Variants in NUP210L observed in about 807,000 individuals in gnomAD.
NUP210L encodes nucleoporin 210 like, also known as nuclear pore membrane glycoprotein 210-like.
In NUP210L, 74 loss-of-function variants were observed where a neutral mutation model predicts 208.5. The observed-to-expected ratio is 0.35, with a 90% confidence interval of 0.29 to 0.43. The LOEUF (loss-of-function observed/expected upper bound fraction) is 0.43. Among genes scored for constraint, NUP210L ranks in the 20% least tolerant of loss-of-function variants. The probability of loss-of-function intolerance (pLI) is 1.00; values close to 1 mark genes in which losing one functional copy is unlikely to be tolerated. For synonymous variants in NUP210L, 780 were observed against 816.9 expected (o/e 0.95, Z 0.77); for missense variants, 1,843 against 2,289.4 (o/e 0.81, Z 3.98).
chr1:154,025,444 T>C (rs1178132058), intron 30 of NUP210L, 98 bp downstream of exon 30: 2 of 761,468 alleles, frequency 2.6e-6, no homozygotes, highest in Non-Finnish European at 3.8e-6. Context: ...AATGGCATGA[T>C]AAGAAAATTT....
exon 8 of NUP210L, chr1:154,129,345 T>A: frequency 6.2e-7 from 1 of 1,605,190 alleles, no homozygotes; most frequent in Non-Finnish European, 8.5e-7. Context: ...CATATGAACA[T>A]CTTAATTTTT....
At chr1:154,026,849 G>A (rs1350647515) in intron 29 of NUP210L, among the ~76,000 whole-genome samples, 2 of 151,934 alleles carry the variant, frequency 1.3e-5, no homozygotes, top group Admixed American at 6.6e-5. Context: ...TTGGGAGGCC[G>A]AGCCGGGAGG....
chr1:153,992,947 G>C lies in NUP210L; in HGVS notation c.5567-12C>G. ...GGAGTTAAAAAAACCTAGAAGAAGA[G>C]GGAAAAGTTGAGTGAATTAAACGTG... is the stretch of plus-strand genomic sequence containing the variant. On this transcript the variant is annotated splice_polypyrimidine_tract_variant and intron_variant, in intron 39 of 39. Coordinates refer to ENST00000368559, the Ensembl canonical transcript of NUP210L. 1.2e-6 allele frequency: 2 copies of C among 1,609,266 alleles called. No homozygotes were observed. The highest frequency in any genetic ancestry group is 4.5e-5 in the East Asian group (2 of 44,840).
At chr1:154,095,000 G>A (rs1209801654) in exon 15 of NUP210L, 5 of 1,614,114 alleles carry the variant, frequency 3.1e-6, no homozygotes, top group Non-Finnish European at 4.2e-6. Context: ...TTAGATGGCA[G>A]CCACACTTGT....
At chr1:154,054,920 A>G in intron 23 of NUP210L, 88 bp from the exon 24 acceptor site, 1 of 777,688 alleles carries the variant, frequency 1.3e-6, no homozygotes, top group African/African-American at 1.8e-5. Flanking sequence ...TTTTTTTTTT[A>G]GACAGAGTCT....
At chr1:154,071,975 CGTGT>C (rs57566189) in intron 16 of NUP210L, among the ~76,000 whole-genome samples, 75 of 148,346 alleles carry the variant, frequency 5.1e-4, no homozygotes, top group South Asian at 2.8e-3. Context: ...TATTCCATCG[CGTGT>C]GTGTGTGTGT....
chr1:154,000,880 C>T (rs754089610), exon 37 of NUP210L: 5 of 1,613,880 alleles, frequency 3.1e-6, no homozygotes, highest in Non-Finnish European at 4.2e-6. Flanking sequence ...TCTTTCATAG[C>T]CCTCACTACC....
chr1:153,993,304 C>T (rs1237791130), intron 38 of NUP210L, among the ~76,000 whole-genome samples: 19 of 152,142 alleles, frequency 1.2e-4, no homozygotes, highest in Admixed American at 5.2e-4. Flanking sequence ...CGGTGGCTCA[C>T]GCCTGTAATC....
At chr1:154,058,732 C>T in intron 20 of NUP210L, 39 bp from the exon 21 acceptor site, 1 of 1,604,224 alleles carries the variant, frequency 6.2e-7, no homozygotes, top group Non-Finnish European at 8.5e-7. Flanking sequence ...AAGAAGCAAA[C>T]ATGCTCCAAG....
At chr1:154,007,363 A>G (rs528686080) in intron 35 of NUP210L, among the ~76,000 whole-genome samples, 1 of 150,156 alleles carries the variant, frequency 6.7e-6, no homozygotes, top group African/African-American at 2.5e-5. Context: ...CCTGGGTTCA[A>G]GTGATTCTCC....
At chr1:154,062,966 T>A (rs1384987066) in intron 17 of NUP210L, among the ~76,000 whole-genome samples, 1 of 152,212 alleles carries the variant, frequency 6.6e-6, no homozygotes, top group East Asian at 1.9e-4. Flanking sequence ...TAATCATGCC[T>A]AAATCTGTGA....
chr1:154,134,489 G>A (rs1658420787), intron 7 of NUP210L, among the ~76,000 whole-genome samples: 1 of 145,004 alleles, frequency 6.9e-6, no homozygotes, highest in Non-Finnish European at 1.5e-5. Flanking sequence ...TGTAATCCCA[G>A]CACTTTGGGA....
chr1:154,149,085 C>CTTTTTTTTT (rs1272589191), intron 2 of NUP210L, among the ~76,000 whole-genome samples: 3 of 84,216 alleles, frequency 3.6e-5, no homozygotes, highest in African/African-American at 1.4e-4. Flanking sequence ...CAGAAAACTT[C>CTTTTTTTTT]TCTTTTTTTT....
intron 25 of NUP210L, among the ~76,000 whole-genome samples, chr1:154,048,498 A>G (rs1399103600): frequency 6.6e-6 from 1 of 152,234 alleles, no homozygotes; most frequent in African/African-American, 2.4e-5. Context: ...AAAGGAAAAC[A>G]TTGGACTAAT....
At chr1:154,060,681 G>T in intron 19 of NUP210L, 40 bp from the exon 20 acceptor site, 1 of 1,346,426 alleles carries the variant, frequency 7.4e-7, no homozygotes, top group Non-Finnish European at 1.1e-6. Context: ...GTTTGCTTCA[G>T]TTTATAAATA....
At chr1:153,995,995 CTT>C (rs1397184990) in intron 37 of NUP210L, 2 of 383,994 alleles carry the variant, frequency 5.2e-6, no homozygotes, top group Non-Finnish European at 1.0e-5. Flanking sequence ...AATGAGGAGA[CTT>C]AAAAAAAAAA....
In NUP210L at chr1:154,126,608, A is replaced by G. The variant is rs1310743671; in HGVS notation, c.1186-145T>C. The stretch of plus-strand genomic sequence containing the variant: ...AAAACTTTTGCTCTCCCTCATAGAA[A>G]TTAAAAGTTGGGGAGATATAATTTT... On this transcript the variant is annotated intron_variant, in intron 9 of 39. Coordinates refer to ENST00000368559, the Ensembl canonical transcript of NUP210L. 1.2e-5 allele frequency: 7 copies of G among 576,766 alleles called. No individual in the cohort carries two copies. In the African/African-American group the frequency reaches 1.3e-4, roughly 11 times the overall value. The allele number at this position is 576,766 out of a possible 1,614,324, so 35.7% of individuals were successfully genotyped here. A position where few individuals can be genotyped will look rare whatever the true frequency, so the allele number is the denominator to read the frequency against.
chr1:154,090,538 C>T (rs924256487), intron 15 of NUP210L, among the ~76,000 whole-genome samples: 2 of 152,154 alleles, frequency 1.3e-5, no homozygotes, highest in African/African-American at 4.8e-5. Flanking sequence ...AGGCCCAGTG[C>T]GGTGGCTCAC....
At chr1:154,003,000 C>A (rs1650306080) in intron 35 of NUP210L, among the ~76,000 whole-genome samples, 1 of 148,452 alleles carries the variant, frequency 6.7e-6, no homozygotes, top group African/African-American at 2.5e-5. Context: ...ATGATTAATC[C>A]TTAGCTGTCT....
Sources: gnomAD v4.1 joint callset for allele counts (sites outside exome capture counted in the v4.1 genomes callset) on GRCh38, gnomAD v4.1.1 for gene constraint, MANE v1.5 for transcripts, NCBI Gene and HGNC (gene_info 2026-07-23, HGNC 2026-07-21) for gene names.